CWF19L2: variants seen among roughly 807,000 people sequenced by gnomAD.
The protein encoded by CWF19L2 is CWF19-like protein 2.
A neutral mutation model predicts 111.7 loss-of-function variants in CWF19L2; 98 were observed. The observed-to-expected ratio is 0.88, with a 90% CI of 0.75 to 1.04. The LOEUF is 1.04. CWF19L2 is among the 50% of genes least tolerant of loss of function. The probability of loss-of-function intolerance (pLI) is 0.00; values close to 1 mark genes in which losing one functional copy is unlikely to be tolerated. For missense variants in CWF19L2, 1,101 were observed against 1,051.4 expected (o/e 1.05, Z -0.65); for synonymous variants, 351 against 342.9 (o/e 1.02, Z -0.26).
intron 10 of CWF19L2, chr11:107,404,311 C>CAACT: frequency 1.3e-6 from 1 of 787,498 alleles, no homozygotes. Flanking sequence ...CAGTCTCCCA[C>CAACT]AACTTTAGGT....
At chr11:107,342,881 T>C (rs1860025526) in intron 14 of CWF19L2, among the ~76,000 whole-genome samples, 1 of 152,018 alleles carries the variant, frequency 6.6e-6, no homozygotes, top group Non-Finnish European at 1.5e-5. Context: ...GAGAAGGCAA[T>C]ATGATGACAG....
chr11:107,332,694 T>C (rs1859867237), intron 16 of CWF19L2, among the ~76,000 whole-genome samples: 1 of 152,170 alleles, frequency 6.6e-6, no homozygotes, highest in Non-Finnish European at 1.5e-5. Flanking sequence ...TCATTTCATG[T>C]TCAAAAATAC....
At chr11:107,445,377 G>A (rs539169657) in intron 3 of CWF19L2, among the ~76,000 whole-genome samples, 31 of 152,156 alleles carry the variant, frequency 2.0e-4, no homozygotes, top group Middle Eastern at 3.4e-3. Flanking sequence ...AGGCCGAGGC[G>A]GGTGGATCAT....
intron 13 of CWF19L2, among the ~76,000 whole-genome samples, chr11:107,350,846 G>A (rs549128048): frequency 1.3e-5 from 2 of 152,216 alleles, no homozygotes; most frequent in South Asian, 4.1e-4. Context: ...GTGAAGGAAG[G>A]AAGGGTAGAC....
At chr11:107,451,514 A>G (rs1056919839) in intron 3 of CWF19L2, among the ~76,000 whole-genome samples, 1 of 151,826 alleles carries the variant, frequency 6.6e-6, no homozygotes, top group Admixed American at 6.5e-5. Context: ...AAGGCAATAA[A>G]GAAAGATTAA....
At chr11:107,356,108 C>A (rs1157498478) in intron 12 of CWF19L2, among the ~76,000 whole-genome samples, 1 of 152,032 alleles carries the variant, frequency 6.6e-6, no homozygotes, top group Non-Finnish European at 1.5e-5. Context: ...CTGCCACATA[C>A]CTGGTATTGT....
intron 11 of CWF19L2, among the ~76,000 whole-genome samples, chr11:107,392,309 C>T (rs1020767172): frequency 2.0e-5 from 3 of 152,094 alleles, no homozygotes; most frequent in Non-Finnish European, 4.4e-5. Flanking sequence ...CAAGGTAGTG[C>T]TAAAAACTAA....
At chr11:107,420,939 A>C (rs920071737) in intron 8 of CWF19L2, among the ~76,000 whole-genome samples, 3 of 151,656 alleles carry the variant, frequency 2.0e-5, no homozygotes, top group Non-Finnish European at 4.4e-5. Flanking sequence ...ACTATCAACT[A>C]ACATGCCCAA....
rs574498428 is a variant in CWF19L2, at chr11:107,327,147, C to T, written c.2542-94G>A. 9.0e-4 allele frequency: 1,073 copies of T among 1,195,470 alleles called. 1 individual carries two copies. The highest frequency in any genetic ancestry group is 6.5e-4 in the Non-Finnish European group (570 of 875,686). 74.1% of individuals were successfully genotyped at this position (1,195,470 alleles called of 1,614,324 possible). A position where few individuals can be genotyped will look rare whatever the true frequency, so the allele number is the denominator to read the frequency against. On this transcript the variant is annotated intron_variant, in intron 17 of 17. Coordinates refer to ENST00000282251, the MANE Select transcript of CWF19L2 (RefSeq NM_152434.3). ...CTGTTTATTCTGCTATAAAATATAA[C>T]AAGTTCTTCTCCATGACAATGTTCA...
chr11:107,332,284 C>T (rs1173325863), intron 16 of CWF19L2, among the ~76,000 whole-genome samples: 1 of 152,048 alleles, frequency 6.6e-6, no homozygotes, highest in African/African-American at 2.4e-5. Flanking sequence ...ACTAAAACAG[C>T]CTTGTGAAAA....
intron 8 of CWF19L2, among the ~76,000 whole-genome samples, chr11:107,421,855 T>G (rs924978250): frequency 2.6e-5 from 4 of 152,096 alleles, no homozygotes; most frequent in Admixed American, 2.0e-4. Context: ...CTCTCCTAGG[T>G]ATATTTATCC....
At chr11:107,344,404 A>C (rs1449764818) in intron 14 of CWF19L2, among the ~76,000 whole-genome samples, 1 of 152,196 alleles carries the variant, frequency 6.6e-6, no homozygotes, top group African/African-American at 2.4e-5. Context: ...CTTCTAGGAC[A>C]GCTCTGCTGA....
At chr11:107,371,769 C>A (rs1384626132) in intron 12 of CWF19L2, among the ~76,000 whole-genome samples, 1 of 137,006 alleles carries the variant, frequency 7.3e-6, no homozygotes, top group African/African-American at 2.9e-5. Context: ...ATGACAATTT[C>A]TCCGCAGCTC....
intron 10 of CWF19L2, chr11:107,403,437 G>A (rs1861035029): frequency 7.7e-6 from 6 of 774,686 alleles, no homozygotes; most frequent in Admixed American, 1.7e-5. Context: ...GGATCTGTCG[G>A]TGGCTCTTCC....
intron 10 of CWF19L2, among the ~76,000 whole-genome samples, chr11:107,394,862 T>C (rs1019392587): frequency 2.0e-5 from 3 of 152,160 alleles, no homozygotes; most frequent in African/African-American, 4.8e-5. Flanking sequence ...TAAAAACAAA[T>C]ATAATCATGC....
chr11:107,437,120 T>G (rs1011353144), intron 6 of CWF19L2, among the ~76,000 whole-genome samples: 1 of 152,118 alleles, frequency 6.6e-6, no homozygotes, highest in African/African-American at 2.4e-5. Context: ...TGATAAAACC[T>G]TCCCAAAAGA....
chr11:107,389,619 A>G (rs905020433), intron 12 of CWF19L2, among the ~76,000 whole-genome samples: 3 of 152,218 alleles, frequency 2.0e-5, no homozygotes, highest in African/African-American at 7.2e-5. Flanking sequence ...ATATTTTCAT[A>G]TAAATAGATG....
intron 3 of CWF19L2, among the ~76,000 whole-genome samples, chr11:107,452,734 G>A (rs746839625): frequency 4.6e-5 from 7 of 152,316 alleles, no homozygotes; most frequent in South Asian, 2.1e-4. Flanking sequence ...GCTCACACCC[G>A]TAATCCCAGC....
intron 6 of CWF19L2, among the ~76,000 whole-genome samples, chr11:107,434,071 T>C (rs757374525): frequency 6.6e-6 from 1 of 151,330 alleles, no homozygotes; most frequent in Non-Finnish European, 1.5e-5. Context: ...TATAAAAAGA[T>C]ATAATGGACT....
Sources: gnomAD v4.1 joint callset for allele counts (sites outside exome capture counted in the v4.1 genomes callset) on GRCh38, gnomAD v4.1.1 for gene constraint, MANE v1.5 for transcripts, NCBI Gene and HGNC (gene_info 2026-07-23, HGNC 2026-07-21) for gene names.